Variants in VPS13B observed in about 807,000 individuals in gnomAD.
The protein encoded by VPS13B is intermembrane lipid transfer protein VPS13B.
VPS13B carries 285 observed loss-of-function variants against 426.4 expected under a neutral mutation model. The observed-to-expected ratio is 0.67, with a 90% CI of 0.61 to 0.74. The LOEUF (loss-of-function observed/expected upper bound fraction) is 0.74. Among genes scored for constraint, VPS13B ranks in the 30% least tolerant of loss-of-function variants. The pLI, the probability that VPS13B is intolerant of heterozygous loss-of-function variation, is 0.00. For missense variants in VPS13B, 4,537 were observed against 4,782.6 expected, an observed-to-expected ratio of 0.95 and a Z score of 1.51; for synonymous variants, 1,676 against 1,676.4, an observed-to-expected ratio of 1.00 and a Z score of 0.01.
chr8:99,280,272 C>G (rs903951118), intron 19 of VPS13B, among the ~76,000 whole-genome samples: 3 of 152,170 alleles, frequency 2.0e-5, no homozygotes, highest in Non-Finnish European at 4.4e-5. Flanking sequence ...AAGATCTCAG[C>G]TCAACTACTG....
chr8:99,133,991 T>A (rs531469494), intron 8 of VPS13B, among the ~76,000 whole-genome samples: 1 of 152,304 alleles, frequency 6.6e-6, no homozygotes, highest in South Asian at 2.1e-4. Flanking sequence ...ACTTCCAATT[T>A]GTAAAAAGTG....
chr8:99,813,271 A>G (rs905758926), intron 44 of VPS13B, among the ~76,000 whole-genome samples: 13 of 152,200 alleles, frequency 8.5e-5, no homozygotes, highest in Non-Finnish European at 2.9e-5. Flanking sequence ...AAATGAGACT[A>G]TAAAAACCCA....
intron 19 of VPS13B, among the ~76,000 whole-genome samples, chr8:99,321,210 C>CTTTTT (rs58817658): frequency 1.4e-4 from 13 of 93,934 alleles, no homozygotes; most frequent in African/African-American, 1.7e-4. Context: ...TTTTCTTTTT[C>CTTTTT]TTTTTTTTTT....
At chr8:99,238,347 A>G in intron 17 of VPS13B, among the ~76,000 whole-genome samples, 1 of 151,972 alleles carries the variant, frequency 6.6e-6, no homozygotes, top group East Asian at 1.9e-4. Flanking sequence ...AGTATTTACT[A>G]TTTTCAGATT....
intron 40 of VPS13B, among the ~76,000 whole-genome samples, chr8:99,770,161 A>G (rs1811409988): frequency 6.6e-6 from 1 of 152,174 alleles, no homozygotes; most frequent in Admixed American, 6.5e-5. Context: ...CCTGTCTCAA[A>G]AAATAAAAAA....
chr8:99,762,276 T>C (rs1810972826), intron 39 of VPS13B, among the ~76,000 whole-genome samples: 1 of 152,148 alleles, frequency 6.6e-6, no homozygotes. Context: ...TCCTCCTGTC[T>C]CCACTTCCCA....
intron 31 of VPS13B, among the ~76,000 whole-genome samples, chr8:99,561,001 A>G (rs1174036573): frequency 6.6e-6 from 1 of 152,298 alleles, no homozygotes; most frequent in South Asian, 2.1e-4. Flanking sequence ...TGGTTTGTGT[A>G]TGTGTGTATG....
At chr8:99,714,813 G>A (rs1832846890) in intron 36 of VPS13B, among the ~76,000 whole-genome samples, 1 of 152,124 alleles carries the variant, frequency 6.6e-6, no homozygotes, top group Admixed American at 6.5e-5. Context: ...AAAGAAAGCT[G>A]GGGGATGTGT....
Position 99,030,461 on chromosome 8 carries a change from A to AGTGTGTGT in VPS13B, c.148-7939_148-7932dup, listed in dbSNP as rs34944940. On this transcript the variant is annotated intron_variant, in intron 2 of 61. Transcript: ENST00000357162. ...TAAATTGTCCCAGTATGAGTGAGTGAGTGTGTGTGTGTGTGTGTGTGTGTG... is the reference window on the plus strand; with the variant it reads ...TAAATTGTCCCAGTATGAGTGAGTGAGTGTGTGTGTGTGTGTGTGTGTGTGTGTGTGTG... Among the ~76,000 whole-genome samples the AGTGTGTGT allele has an allele frequency of 2.7e-3, 387 of 144,870 alleles. 1 individual carries two copies. The highest frequency in any genetic ancestry group is 4.5e-3 in the African/African-American group (176 of 39,180).
chr8:99,619,660 TC>T (rs1353131187), intron 33 of VPS13B, among the ~76,000 whole-genome samples: 1 of 152,100 alleles, frequency 6.6e-6, no homozygotes, highest in Non-Finnish European at 1.5e-5. Context: ...TTGCTTAAGT[TC>T]CGGAGTTTGA....
Position 99,717,224 on chromosome 8 carries a change from A to G in VPS13B, c.6508A>G (p.Thr2170Ala). The G allele has an allele frequency of 2.5e-6, 4 of 1,614,020 alleles. No homozygotes were observed. The highest frequency in any genetic ancestry group is 3.4e-6 in the Non-Finnish European group (4 of 1,179,978). The change falls in exon 37 of 62, where the codon ACA becomes GCA. Residue 2170 changes from threonine to alanine, a missense_variant. This residue lies in a region of VPS13B where 4,311 missense variants were observed against 4,474.3 expected (regional missense o/e 0.96). Coordinates refer to ENST00000357162, the MANE Select transcript of VPS13B (RefSeq NM_152564.5). ...LLSINDFLLK[T>A]SLKERSRILI... ...CAGTATAAACGATTTTCTCCTTAAA[A>G]CAAGTCTCAAAGAAAGAAGCCGCAT...
chr8:99,501,081 A>G (rs1265013492), intron 25 of VPS13B, among the ~76,000 whole-genome samples: 1 of 152,204 alleles, frequency 6.6e-6, no homozygotes, highest in East Asian at 1.9e-4. Context: ...AAATCTACTA[A>G]TTTTTAATGT....
At chr8:99,720,242 A>G in intron 37 of VPS13B, 103 bp from the exon 38 acceptor site, 1 of 925,880 alleles carries the variant, frequency 1.1e-6, no homozygotes, top group South Asian at 1.6e-5. Context: ...AATTAAATTG[A>G]ACATAATTAC....
intron 19 of VPS13B, among the ~76,000 whole-genome samples, chr8:99,297,785 C>T (rs1820125930): frequency 6.6e-6 from 1 of 152,136 alleles, no homozygotes; most frequent in African/African-American, 2.4e-5. Flanking sequence ...TCTTCTGTAC[C>T]TGCCTTTCCA....
chr8:99,073,710 T>C (rs968946923), intron 3 of VPS13B, among the ~76,000 whole-genome samples: 1 of 150,684 alleles, frequency 6.6e-6, no homozygotes, highest in Non-Finnish European at 1.5e-5. Context: ...TTTTTTTTTT[T>C]TTTTTTTTTG....
intron 17 of VPS13B, among the ~76,000 whole-genome samples, chr8:99,230,487 A>G (rs1009281817): frequency 2.6e-5 from 4 of 152,190 alleles, no homozygotes; most frequent in African/African-American, 9.6e-5. Context: ...ATTGAAAGTT[A>G]TTTTATTCAT....
intron 30 of VPS13B, among the ~76,000 whole-genome samples, chr8:99,534,323 A>G (rs1261604762): frequency 6.6e-6 from 1 of 152,160 alleles, no homozygotes; most frequent in Non-Finnish European, 1.5e-5. Flanking sequence ...GAAAATGACG[A>G]TAAGTTCTAC....
At chr8:99,192,439 T>C (rs1221466821) in intron 16 of VPS13B, among the ~76,000 whole-genome samples, 1 of 152,218 alleles carries the variant, frequency 6.6e-6, no homozygotes, top group African/African-American at 2.4e-5. Flanking sequence ...GTCTTGGTTT[T>C]CCCATTTGAA....
chr8:99,158,851 A>G (rs1302284970), intron 15 of VPS13B, among the ~76,000 whole-genome samples: 2 of 152,190 alleles, frequency 1.3e-5, no homozygotes, highest in Admixed American at 6.5e-5. Context: ...TTAACATGAC[A>G]TTCATTCTGC....
Sources: allele counts gnomAD v4.1 joint callset (sites outside exome capture counted in the v4.1 genomes callset), GRCh38; gene constraint gnomAD v4.1.1; regional missense constraint gnomAD v4.1.1; transcripts MANE v1.5; gene names NCBI Gene and HGNC (gene_info 2026-07-23, HGNC 2026-07-21).